The following PDE1A variants were observed in gnomAD, a reference collection of about 807,000 sequenced individuals.
PDE1A encodes phosphodiesterase 1A, also known as dual specificity calcium/calmodulin-dependent 3',5'-cyclic nucleotide phosphodiesterase 1A.
A neutral mutation model predicts 61.7 loss-of-function variants in PDE1A; 35 were observed. The ratio of observed to expected loss-of-function variants is 0.57; its 90% confidence interval spans 0.43 to 0.75. The LOEUF is 0.75. Among genes scored for constraint, PDE1A ranks in the 30% least tolerant of loss-of-function variants. The probability of loss-of-function intolerance (pLI) is 0.00; values close to 1 mark genes in which losing one functional copy is unlikely to be tolerated. For missense variants in PDE1A, 597 were observed against 630.6 expected (o/e 0.95, Z 0.57); for synonymous variants, 232 against 213.2 (o/e 1.09, Z -0.77).
chr2:182,148,966 A>G (rs1194807692), intron 13 of PDE1A, among the ~76,000 whole-genome samples: 1 of 152,000 alleles, frequency 6.6e-6, no homozygotes. Flanking sequence ...TGAATTGGGA[A>G]AGGGTTTTAT....
intron 1 of PDE1A, among the ~76,000 whole-genome samples, chr2:182,275,050 T>G (rs1693307684): frequency 6.6e-6 from 1 of 152,152 alleles, no homozygotes; most frequent in Admixed American, 6.6e-5. Context: ...GTTTAATTCT[T>G]GCAATTGATT....
At chr2:182,224,510 C>T (rs1178375978) in intron 6 of PDE1A, among the ~76,000 whole-genome samples, 1 of 151,622 alleles carries the variant, frequency 6.6e-6, no homozygotes, top group Non-Finnish European at 1.5e-5. Context: ...AATGGCTGTG[C>T]AATTAACTTC....
the PDE1A span, among the ~76,000 whole-genome samples, chr2:182,689,749 T>C: frequency 6.6e-6 from 1 of 152,098 alleles, no homozygotes; most frequent in Non-Finnish European, 1.5e-5. Context: ...AGCTGGTTTT[T>C]TGAAAAGATC....
chr2:182,313,678 A>G (rs914937646), intron 1 of PDE1A, among the ~76,000 whole-genome samples: 2 of 152,202 alleles, frequency 1.3e-5, no homozygotes, highest in Non-Finnish European at 2.9e-5. Context: ...CATATTGAGG[A>G]ATGGTAAGAA....
At chr2:182,307,837 C>T (rs541189643) in intron 1 of PDE1A, among the ~76,000 whole-genome samples, 3 of 152,134 alleles carry the variant, frequency 2.0e-5, no homozygotes, top group Admixed American at 6.5e-5. Flanking sequence ...GCATGAACAA[C>T]AGATACAGAC....
chr2:182,480,173 A>T (rs1378199887), intron 2 of PDE1A, among the ~76,000 whole-genome samples: 5 of 151,850 alleles, frequency 3.3e-5, no homozygotes, highest in African/African-American at 1.2e-4. Context: ...AAAAACAACA[A>T]TTTTCTACCA....
intron 2 of PDE1A, among the ~76,000 whole-genome samples, chr2:182,464,934 C>A (rs1199398407): frequency 1.3e-5 from 2 of 152,080 alleles, no homozygotes; most frequent in African/African-American, 4.8e-5. Context: ...GATGAACACT[C>A]AATCAATGTT....
intron 2 of PDE1A, among the ~76,000 whole-genome samples, chr2:182,241,068 G>C (rs1400238535): frequency 6.6e-6 from 1 of 152,140 alleles, no homozygotes; most frequent in East Asian, 1.9e-4. Context: ...GCTCCAGGTA[G>C]ATAAAATTGA....
chr2:182,552,882 G>A, the PDE1A span, among the ~76,000 whole-genome samples: 1 of 151,094 alleles, frequency 6.6e-6, no homozygotes, highest in Non-Finnish European at 1.5e-5. Flanking sequence ...GTTACGGCTC[G>A]AGCTGAGCTT....
chr2:182,398,719 A>G lies in PDE1A; in HGVS notation c.53+27859T>C, dbSNP rs749336472. ...TTGATTACACTTAAAGTGTAGGAGC[A>G]TACCGCTATCTTAAATCTTACTAGT... is the stretch of plus-strand genomic sequence containing the variant. On this transcript the variant is annotated intron_variant, in intron 1 of 13. Transcript: ENST00000351439. 4.0e-4 allele frequency among the ~76,000 whole-genome samples: 61 copies of G among 152,224 alleles called. 1 individual carries two copies. The highest frequency in any genetic ancestry group is 2.7e-4 in the Non-Finnish European group (18 of 67,920).
chr2:182,627,952 A>G, the PDE1A span, among the ~76,000 whole-genome samples: 2 of 151,736 alleles, frequency 1.3e-5, no homozygotes, highest in Admixed American at 6.6e-5. Context: ...TCAAAAAAAA[A>G]AAAGAAAGAA....
At chr2:182,459,711 A>G (rs1053267553) in intron 2 of PDE1A, among the ~76,000 whole-genome samples, 9 of 152,178 alleles carry the variant, frequency 5.9e-5, no homozygotes, top group Non-Finnish European at 1.2e-4. Flanking sequence ...TTTAGCTTCC[A>G]TAACAGGAAT....
chr2:182,561,578 T>C, the PDE1A span, among the ~76,000 whole-genome samples: 42 of 152,300 alleles, frequency 2.8e-4, no homozygotes, highest in African/African-American at 9.4e-4. Context: ...AGTAGTTTTT[T>C]CCAATTCTGT....
At chr2:182,327,871 G>C (rs2124911130) in intron 1 of PDE1A, among the ~76,000 whole-genome samples, 1 of 152,350 alleles carries the variant, frequency 6.6e-6, no homozygotes, top group South Asian at 2.1e-4. Context: ...TGTGCTGAAA[G>C]CACTAAACCA....
the PDE1A span, among the ~76,000 whole-genome samples, chr2:182,609,244 C>T: frequency 6.6e-6 from 1 of 152,256 alleles, no homozygotes; most frequent in South Asian, 2.1e-4. Flanking sequence ...CCAATCAGCA[C>T]CCTGTCAAAA....
chr2:182,211,925 C>T (rs867085372), intron 7 of PDE1A, among the ~76,000 whole-genome samples: 1 of 152,070 alleles, frequency 6.6e-6, no homozygotes, highest in Middle Eastern at 3.2e-3. Context: ...TCTACATGGA[C>T]AATCATATCA....
chr2:182,424,002 T>C (rs905678812), intron 1 of PDE1A, among the ~76,000 whole-genome samples: 2 of 148,528 alleles, frequency 1.3e-5, no homozygotes, highest in Non-Finnish European at 3.0e-5. Context: ...TGGAGTGCAG[T>C]GGCGCAATTT....
intron 11 of PDE1A, among the ~76,000 whole-genome samples, chr2:182,187,234 C>G (rs1392123285): frequency 2.6e-5 from 4 of 152,170 alleles, no homozygotes; most frequent in African/African-American, 9.7e-5. Flanking sequence ...ATTAATCCCA[C>G]CACTTTGAGA....
chr2:182,429,603 A>C (rs1415516978), upstream of PDE1A, among the ~76,000 whole-genome samples: 2 of 152,116 alleles, frequency 1.3e-5, no homozygotes, highest in East Asian at 3.9e-4. Flanking sequence ...CTCAATAAAT[A>C]TGTTAATTTT....
Sources: gnomAD v4.1 joint callset for allele counts (sites outside exome capture counted in the v4.1 genomes callset) on GRCh38, gnomAD v4.1.1 for gene constraint, MANE v1.5 for transcripts, NCBI Gene and HGNC (gene_info 2026-07-23, HGNC 2026-07-21) for gene names.